Variants in VPS13B observed in about 807,000 individuals in gnomAD.
The protein encoded by VPS13B is vacuolar protein sorting 13 homolog B, also known as intermembrane lipid transfer protein VPS13B.
VPS13B carries 285 observed loss-of-function variants against 426.4 expected under a neutral mutation model. That is an observed-to-expected ratio of 0.67 (90% CI 0.61 to 0.74). The LOEUF (loss-of-function observed/expected upper bound fraction) is 0.74. Among genes scored for constraint, VPS13B ranks in the 30% least tolerant of loss-of-function variants. VPS13B has a pLI of 0.00. For synonymous variants in VPS13B, 1,676 were observed against 1,676.4 expected (o/e 1.00, Z 0.01); for missense variants, 4,537 against 4,782.6 (o/e 0.95, Z 1.51).
chr8:99,487,370 A>T (rs1820368419), intron 25 of VPS13B, among the ~76,000 whole-genome samples: 1 of 151,972 alleles, frequency 6.6e-6, no homozygotes, highest in South Asian at 2.1e-4. Flanking sequence ...AGTCTTTTTA[A>T]TCTCACTCTC....
At chr8:99,633,817 G>GTGTGTGT (rs1232995596) in intron 33 of VPS13B, among the ~76,000 whole-genome samples, 1 of 151,160 alleles carries the variant, frequency 6.6e-6, no homozygotes, top group African/African-American at 2.4e-5. Context: ...GTGTGTGTGT[G>GTGTGTGT]TGTGTGTGTG....
chr8:99,086,562 G>A (rs950571893), intron 3 of VPS13B, among the ~76,000 whole-genome samples: 1 of 152,174 alleles, frequency 6.6e-6, no homozygotes, highest in African/African-American at 2.4e-5. Context: ...CAGTTTTTCT[G>A]TTGTGTTTTA....
At chr8:99,732,076 G>A (rs905480803) in intron 39 of VPS13B, among the ~76,000 whole-genome samples, 11 of 152,174 alleles carry the variant, frequency 7.2e-5, no homozygotes, top group African/African-American at 1.7e-4. Context: ...AGAGTCTCTC[G>A]TGAAGAATCA....
intron 17 of VPS13B, among the ~76,000 whole-genome samples, chr8:99,197,510 T>C (rs1814011072): frequency 6.6e-6 from 1 of 152,210 alleles, no homozygotes; most frequent in African/African-American, 2.4e-5. Flanking sequence ...CATTCTTTCA[T>C]GATTGAGTCT....
chr8:99,015,338 T>C (rs1414910760), intron 2 of VPS13B, among the ~76,000 whole-genome samples: 3 of 150,608 alleles, frequency 2.0e-5, no homozygotes, highest in South Asian at 2.1e-4. Context: ...TGACTCAGCC[T>C]CCTGAGTAGT....
chr8:99,767,872 T>C (rs1179536853), intron 40 of VPS13B, among the ~76,000 whole-genome samples: 1 of 152,116 alleles, frequency 6.6e-6, no homozygotes, highest in Non-Finnish European at 1.5e-5. Context: ...GAGGTTGCAG[T>C]GAGCCGTGAT....
chr8:99,127,854 A>C (rs1261415326), intron 8 of VPS13B, among the ~76,000 whole-genome samples: 1 of 152,182 alleles, frequency 6.6e-6, no homozygotes, highest in Non-Finnish European at 1.5e-5. Flanking sequence ...AAAGGTAAGA[A>C]GGGACATGCA....
intron 33 of VPS13B, among the ~76,000 whole-genome samples, chr8:99,595,667 C>A (rs1166044465): frequency 6.6e-6 from 1 of 151,698 alleles, no homozygotes; most frequent in African/African-American, 2.4e-5. Flanking sequence ...AAGGACATCA[C>A]CCAGAAAGTG....
intron 56 of VPS13B, among the ~76,000 whole-genome samples, chr8:99,858,328 G>A (rs940692039): frequency 4.6e-5 from 7 of 152,196 alleles, no homozygotes; most frequent in East Asian, 1.9e-4. Flanking sequence ...ACGCACAGCC[G>A]CGTTCCCATG....
At chr8:99,532,662 C>T (rs1289517158) in intron 30 of VPS13B, among the ~76,000 whole-genome samples, 2 of 151,720 alleles carry the variant, frequency 1.3e-5, no homozygotes, top group Non-Finnish European at 2.9e-5. Flanking sequence ...ACACCCTCAG[C>T]CACAGGAAGA....
intron 23 of VPS13B, among the ~76,000 whole-genome samples, chr8:99,459,541 A>G (rs1401083997): frequency 6.6e-6 from 1 of 152,206 alleles, no homozygotes; most frequent in Non-Finnish European, 1.5e-5. Context: ...GTGGTATAAC[A>G]TATTGCTCTT....
chr8:99,240,050 T>TG (rs1480068035), intron 17 of VPS13B, among the ~76,000 whole-genome samples: 1 of 152,182 alleles, frequency 6.6e-6, no homozygotes, highest in Non-Finnish European at 1.5e-5. Flanking sequence ...TGCCAGAGAC[T>TG]GCTGTTTCTT....
At chr8:99,685,645 T>G (rs1399773395) in intron 35 of VPS13B, among the ~76,000 whole-genome samples, 1 of 152,228 alleles carries the variant, frequency 6.6e-6, no homozygotes, top group Admixed American at 6.5e-5. Flanking sequence ...TCTGATGCAT[T>G]CTTCAGTATA....
rs1817608165 is a variant in VPS13B, at chr8:99,440,108, A to C, written c.3211-2293A>C. ...TTTGTAATAATCCCTTCACTTTAAC[A>C]CATGAATGTGTTCAGTATTGGCAAA... On this transcript the variant is annotated intron_variant, in intron 22 of 61. Transcript: ENST00000357162. Among the ~76,000 whole-genome samples, 3 of 152,300 alleles carry C rather than the reference A, an allele frequency of 2.0e-5. No homozygotes were observed. The South Asian group carries it at 6.2e-4, about 32-fold the overall frequency.
intron 40 of VPS13B, among the ~76,000 whole-genome samples, chr8:99,773,858 A>G (rs993845055): frequency 7.2e-5 from 11 of 152,044 alleles, no homozygotes; most frequent in African/African-American, 2.7e-4. Flanking sequence ...AAGTTGTGAT[A>G]TTTTTTACTT....
intron 17 of VPS13B, among the ~76,000 whole-genome samples, chr8:99,254,676 C>G (rs1817661214): frequency 6.6e-6 from 1 of 151,908 alleles, no homozygotes. Flanking sequence ...CGGAATCTCA[C>G]TGTGTCACCC....
intron 25 of VPS13B, among the ~76,000 whole-genome samples, chr8:99,482,604 G>A (rs879815012): frequency 6.6e-6 from 1 of 152,140 alleles, no homozygotes; most frequent in Non-Finnish European, 1.5e-5. Context: ...ATTGCTGTTG[G>A]TGACATGATT....
chr8:99,171,048 C>T (rs1006455264), intron 16 of VPS13B, among the ~76,000 whole-genome samples: 2 of 151,434 alleles, frequency 1.3e-5, no homozygotes, highest in African/African-American at 2.4e-5. Context: ...ATAAAATAAT[C>T]GCTCATATTT....
rs571594905 is a variant in VPS13B at position 99,575,296 on chromosome 8, T to C, written c.4950-362T>C. On this transcript the variant is annotated intron_variant, in intron 31 of 61. Transcript: ENST00000357162. The stretch of plus-strand genomic sequence containing the variant: ...CAAATAGAAGGTCAGATATTAAAAA[T>C]AGGAAATGAAAAATTATTCCAAAAA... Among the ~76,000 whole-genome samples, 8 of 152,258 alleles carry C rather than the reference T, an allele frequency of 5.3e-5. No homozygotes were observed. In the South Asian group the frequency reaches 1.5e-3, roughly 28 times the overall value.
Sources: allele counts gnomAD v4.1 joint callset (sites outside exome capture counted in the v4.1 genomes callset), GRCh38; gene constraint gnomAD v4.1.1; transcripts MANE v1.5; gene names NCBI Gene and HGNC (gene_info 2026-07-23, HGNC 2026-07-21).